The following AQR variants were observed in gnomAD, a reference collection of about 807,000 sequenced individuals.
The protein encoded by AQR is aquarius intron-binding spliceosomal factor.
Under a neutral mutation model 180.5 loss-of-function variants are expected in AQR, and 61 were observed. That is an observed-to-expected ratio of 0.34 (90% CI 0.28 to 0.42). The LOEUF (loss-of-function observed/expected upper bound fraction) is 0.42. AQR is among the 10% of genes least tolerant of loss of function. AQR has a pLI of 1.00. For synonymous variants in AQR, 551 were observed against 588.8 expected, an observed-to-expected ratio of 0.94 and a Z score of 0.93; for missense variants, 1,281 against 1,798.3, an observed-to-expected ratio of 0.71 and a Z score of 5.20.
intron 8 of AQR, among the ~76,000 whole-genome samples, chr15:34,939,502 A>G (rs1328634756): frequency 6.6e-6 from 1 of 152,242 alleles, no homozygotes; most frequent in Non-Finnish European, 1.5e-5. Context: ...TGAGATGAAC[A>G]ATATTATATT....
intron 3 of AQR, among the ~76,000 whole-genome samples, chr15:34,958,655 G>A (rs1022196095): frequency 4.6e-5 from 7 of 151,998 alleles, no homozygotes; most frequent in Non-Finnish European, 4.4e-5. Context: ...TTAATAGCAA[G>A]GGTTTAAATG....
At chr15:34,919,888 A>G (rs751721585) in intron 14 of AQR, among the ~76,000 whole-genome samples, 26 of 151,978 alleles carry the variant, frequency 1.7e-4, no homozygotes, top group Non-Finnish European at 2.6e-4. Flanking sequence ...ACAGAGAGAG[A>G]CTCGGTATCA....
Position 34,969,575 on chromosome 15 carries a change from A to T in AQR, c.39T>A (p.Pro13=). The part of the protein sequence containing the change: ...APAQPKKIVA[P]TVSQINAEFV... ...ACTCCGCATTGATTTGGGACACCGT[A>T]GGGGCCACGATCTTCTTGGGCTGCG... is the stretch of plus-strand genomic sequence containing the variant. Residue 13 remains proline (P), a synonymous_variant, in exon 1 of 35, where the codon CCT becomes CCA. Transcript: ENST00000156471. 1 of 1,613,670 alleles carries T rather than the reference A, an allele frequency of 6.2e-7. No individual in the cohort carries two copies. Among genetic ancestry groups the T allele is most frequent in the South Asian group, 1.1e-5 (1 of 91,082 alleles).
chr15:34,918,479 G>T, intron 14 of AQR, 101 bp from the exon 15 acceptor site: 1 of 1,372,872 alleles, frequency 7.3e-7, no homozygotes, highest in Non-Finnish European at 9.8e-7. Context: ...TATTGTAGCA[G>T]TTCAACAAGC....
At chr15:34,954,311 C>CT (rs891208030) in intron 3 of AQR, among the ~76,000 whole-genome samples, 54 of 147,310 alleles carry the variant, frequency 3.7e-4, no homozygotes, top group South Asian at 6.5e-4. Context: ...AAAAATAAGT[C>CT]TTTTTTTTTT....
At chr15:34,881,005 G>A (rs1054196458) in intron 27 of AQR, among the ~76,000 whole-genome samples, 6 of 152,064 alleles carry the variant, frequency 3.9e-5, no homozygotes, top group African/African-American at 1.2e-4. Flanking sequence ...CTAACTACCC[G>A]TTGACGTGTA....
chr15:34,867,192 T>C (rs144267324), intron 32 of AQR, among the ~76,000 whole-genome samples: 39 of 152,252 alleles, frequency 2.6e-4, no homozygotes, highest in African/African-American at 8.9e-4. Flanking sequence ...TGAAAATTTA[T>C]TCTGAAGACT....
chr15:34,908,612 C>T (rs1305189997), intron 17 of AQR, among the ~76,000 whole-genome samples: 2 of 152,122 alleles, frequency 1.3e-5, no homozygotes, highest in South Asian at 2.1e-4. Flanking sequence ...CTATTGTGCC[C>T]TATCTTGCCC....
intron 1 of AQR, among the ~76,000 whole-genome samples, chr15:34,967,027 C>G (rs1382599134): frequency 6.6e-6 from 1 of 152,000 alleles, no homozygotes; most frequent in Non-Finnish European, 1.5e-5. Context: ...CAGGCATGCA[C>G]CACCACGTCC....
chr15:34,920,489 G>T (rs910968200), intron 13 of AQR, 55 bp from the exon 14 acceptor site: 22 of 1,317,918 alleles, frequency 1.7e-5, no homozygotes, highest in Non-Finnish European at 2.3e-5. Flanking sequence ...CTTCACTTTT[G>T]AAACATGTAT....
Position 34,852,660 on chromosome 15 carries a change from C to A in AQR, c.*4132G>T, listed in dbSNP as rs1182108050. ...AACATGATTCTTTCCAGTGGGACATCTGAGAGTCTTTAATTAGCTAACAGT... is the reference window on the plus strand; with the variant it reads ...AACATGATTCTTTCCAGTGGGACATATGAGAGTCTTTAATTAGCTAACAGT... On this transcript the variant is annotated 3_prime_UTR_variant, in exon 35 of 35. Transcript: ENST00000156471. 2 of 152,154 alleles carry A rather than the reference C, an allele frequency of 1.3e-5. No individual in the cohort carries two copies. The highest frequency in any genetic ancestry group is 4.8e-5 in the African/African-American group (2 of 41,440). 9.4% of individuals were successfully genotyped at this position (152,154 alleles called of 1,614,324 possible). A position where few individuals can be genotyped will look rare whatever the true frequency, so the allele number is the denominator to read the frequency against.
chr15:34,888,769 T>C (rs1893098704), intron 24 of AQR, among the ~76,000 whole-genome samples: 1 of 152,216 alleles, frequency 6.6e-6, no homozygotes, highest in South Asian at 2.1e-4. Flanking sequence ...AAAGTTGTTT[T>C]AGGATAGTGT....
At chr15:34,936,762 G>A (rs889367761) in intron 9 of AQR, among the ~76,000 whole-genome samples, 70 of 151,660 alleles carry the variant, frequency 4.6e-4, no homozygotes, top group Non-Finnish European at 9.1e-4. Context: ...AAACAATAGC[G>A]GCAACAGCAA....
chr15:34,896,575 C>T (rs997709439), intron 22 of AQR, among the ~76,000 whole-genome samples: 3 of 149,514 alleles, frequency 2.0e-5, no homozygotes, highest in Non-Finnish European at 3.0e-5. Context: ...TGGCTGAGTG[C>T]GGTGGCTCAC....
Position 34,873,967 on chromosome 15 carries a change from T to C in AQR, c.3458A>G (p.Asn1153Ser). Residue 1153 changes from asparagine (N) to serine (S), a missense_variant, in exon 30 of 35, where the codon AAT (asparagine) becomes AGT (serine). Physicochemically the swap from Asn to Ser is conservative, Grantham distance 46. This residue lies in a region of AQR where 197 missense variants were observed against 320.7 expected (regional missense o/e 0.61). Coordinates refer to ENST00000156471, the MANE Select transcript of AQR (RefSeq NM_014691.3). ...CTGCACATGGGGTAAGTTTCCTAGA[T>C]TCTTGTATCGCCAGTTGTAGAGGTT... ...LCNLYNWRYK[N>S]LGNLPHVQLL... 6.2e-7 allele frequency: 1 copy of C among 1,610,284 alleles called. No individual in the cohort carries two copies. Among genetic ancestry groups the C allele is most frequent in the South Asian group, 1.1e-5 (1 of 90,306 alleles).
chr15:34,926,751 G>C (rs747335682), intron 13 of AQR, among the ~76,000 whole-genome samples: 1 of 151,976 alleles, frequency 6.6e-6, no homozygotes, highest in Non-Finnish European at 1.5e-5. Context: ...GTCATATGTC[G>C]TTTATGACTG....
Position 34,899,556 on chromosome 15 carries a change from A to G in AQR, c.2243+1066T>C, listed in dbSNP as rs1893299043. ...AATCTTGCTAATTTTTTTTTTTTTA[A>G]TAGAGATGAGGTCTCAGTTGCCCAG... On this transcript the variant is annotated intron_variant, in intron 20 of 34. Transcript: ENST00000156471. 2.0e-5 allele frequency among the ~76,000 whole-genome samples: 3 copies of G among 150,776 alleles called. No homozygotes were observed. In the South Asian group the frequency reaches 6.3e-4, roughly 32 times the overall value.
At chr15:34,953,428 A>T (rs1340043076) in intron 3 of AQR, among the ~76,000 whole-genome samples, 1 of 152,236 alleles carries the variant, frequency 6.6e-6, no homozygotes, top group East Asian at 1.9e-4. Flanking sequence ...AGATCAGAAC[A>T]CTGTCACTAG....
chr15:34,876,015 G>C lies in AQR; in HGVS notation c.3166-9C>G. On this transcript the variant is annotated splice_polypyrimidine_tract_variant and intron_variant, in intron 27 of 34. Transcript: ENST00000156471. ...ATCAAAATGTTGTCATACTAAGAAAGAGGAAATCTTGTCATAAAGACAGCT... is the reference window on the plus strand; with the variant it reads ...ATCAAAATGTTGTCATACTAAGAAACAGGAAATCTTGTCATAAAGACAGCT... 1 of 1,606,016 alleles carries C rather than the reference G, an allele frequency of 6.2e-7. No homozygotes were observed. Among genetic ancestry groups the C allele is most frequent in the East Asian group, 2.2e-5 (1 of 44,734 alleles).
Sources: gnomAD v4.1 joint callset for allele counts (sites outside exome capture counted in the v4.1 genomes callset) on GRCh38, gnomAD v4.1.1 for gene constraint, gnomAD v4.1.1 regional missense constraint, MANE v1.5 for transcripts, NCBI Gene and HGNC (gene_info 2026-07-23, HGNC 2026-07-21) for gene names.